FBXL17: variants seen among roughly 807,000 people sequenced by gnomAD.
The protein encoded by FBXL17 is F-box and leucine rich repeat protein 17.
FBXL17 carries 22 observed loss-of-function variants against 66.2 expected under a neutral mutation model. The observed-to-expected ratio is 0.33, with a 90% CI of 0.24 to 0.47. The LOEUF (loss-of-function observed/expected upper bound fraction) is 0.47, where lower values mean the gene tolerates loss of function less well. Among genes scored for constraint, FBXL17 ranks in the 20% least tolerant of loss-of-function variants. The probability of loss-of-function intolerance (pLI) is 1.00; values close to 1 mark genes in which losing one functional copy is unlikely to be tolerated. For synonymous variants in FBXL17, 474 were observed against 400.5 expected (o/e 1.18, Z -2.19); for missense variants, 878 against 948.2 (o/e 0.93, Z 0.97).
intron 6 of FBXL17, among the ~76,000 whole-genome samples, chr5:108,119,693 A>T (rs1184703510): frequency 6.6e-6 from 1 of 152,216 alleles, no homozygotes; most frequent in African/African-American, 2.4e-5. Context: ...CTTTACTTAG[A>T]CATTTTGCAC....
intron 7 of FBXL17, among the ~76,000 whole-genome samples, chr5:108,013,014 CAAAAAAAA>C (rs57393639): frequency 1.5e-3 from 117 of 79,388 alleles, no homozygotes; most frequent in African/African-American, 5.8e-3. Flanking sequence ...AACTCCGTCT[CAAAAAAAA>C]AAAAAAAAAA....
intron 4 of FBXL17, among the ~76,000 whole-genome samples, chr5:108,289,212 AGTACATGCTTGATAAT>A (rs1484192238): frequency 3.9e-5 from 6 of 152,188 alleles, no homozygotes; most frequent in Non-Finnish European, 8.8e-5. Flanking sequence ...CCTGGTTCAT[AGTACATGCTTGATAAT>A]GTGTTATTAT....
chr5:107,923,278 C>A (rs796789438), intron 7 of FBXL17, among the ~76,000 whole-genome samples: 4 of 152,234 alleles, frequency 2.6e-5, no homozygotes, highest in South Asian at 2.1e-4. Context: ...GCTCTGAAGA[C>A]CCCTGGTGTG....
chr5:107,965,029 A>T (rs1752067058), intron 7 of FBXL17, among the ~76,000 whole-genome samples: 1 of 152,104 alleles, frequency 6.6e-6, no homozygotes, highest in Non-Finnish European at 1.5e-5. Flanking sequence ...CGCATTTGAC[A>T]CCAGGACCCT....
At chr5:108,154,617 A>ATACC (rs70996983) in intron 6 of FBXL17, among the ~76,000 whole-genome samples, 1 of 49,710 alleles carries the variant, frequency 2.0e-5, no homozygotes, top group Non-Finnish European at 4.1e-5. Context: ...ATATATATAT[A>ATACC]CACACACACA....
At chr5:107,878,793 C>G in intron 8 of FBXL17, 2 of 985,472 alleles carry the variant, frequency 2.0e-6, no homozygotes, top group Non-Finnish European at 2.4e-6. Flanking sequence ...CCTCACAGAG[C>G]CTCTCGTGTT....
At chr5:107,887,316 C>T (rs554125987) in intron 7 of FBXL17, among the ~76,000 whole-genome samples, 1 of 152,206 alleles carries the variant, frequency 6.6e-6, no homozygotes, top group African/African-American at 2.4e-5. Flanking sequence ...ACAATGGAAC[C>T]TCGGATATAT....
chr5:108,080,860 T>C (rs921119364), intron 6 of FBXL17, among the ~76,000 whole-genome samples: 8 of 152,128 alleles, frequency 5.3e-5, no homozygotes, highest in African/African-American at 1.9e-4. Flanking sequence ...AGCCTCCAAG[T>C]AGCAGGTTTC....
At chr5:107,951,557 T>A (rs1356708157) in intron 7 of FBXL17, among the ~76,000 whole-genome samples, 2 of 150,728 alleles carry the variant, frequency 1.3e-5, no homozygotes, top group Non-Finnish European at 3.0e-5. Flanking sequence ...GGAGAAAGTC[T>A]TTTTTATCTT....
At chr5:107,878,390 C>T in intron 8 of FBXL17, 5 of 743,506 alleles carry the variant, frequency 6.7e-6, no homozygotes, top group Non-Finnish European at 8.2e-6. Flanking sequence ...ATATAATAGA[C>T]ATTATTCTAA....
chr5:108,060,059 T>C lies in FBXL17; in HGVS notation c.1746-39058A>G, dbSNP rs192655235. 3.8e-4 allele frequency among the ~76,000 whole-genome samples: 57 copies of C among 150,786 alleles called. No homozygotes were observed. In the East Asian group the frequency reaches 0.01, roughly 27 times the overall value. ...TACATATTCATTTACTGAATATATA[T>C]AAAACATATGAATATATATATTCAG... On this transcript the variant is annotated intron_variant, in intron 6 of 8. Coordinates refer to ENST00000542267, the MANE Select transcript of FBXL17 (RefSeq NM_001163315.3).
At chr5:108,343,773 A>G (rs538123087) in intron 4 of FBXL17, among the ~76,000 whole-genome samples, 87 of 152,318 alleles carry the variant, frequency 5.7e-4, no homozygotes, top group Admixed American at 2.2e-3. Context: ...AAGAGAAAAA[A>G]AAATTAAACT....
intron 6 of FBXL17, among the ~76,000 whole-genome samples, chr5:108,040,610 T>C (rs1200641952): frequency 6.6e-6 from 1 of 152,202 alleles, no homozygotes; most frequent in African/African-American, 2.4e-5. Flanking sequence ...TGCTGGATTT[T>C]AAAAGAAAGT....
At chr5:108,291,220 T>C (rs1426253041) in intron 4 of FBXL17, among the ~76,000 whole-genome samples, 2 of 152,146 alleles carry the variant, frequency 1.3e-5, no homozygotes, top group Non-Finnish European at 2.9e-5. Context: ...TTATATTCTG[T>C]CAACTCTCAA....
intron 7 of FBXL17, among the ~76,000 whole-genome samples, chr5:107,956,564 A>G (rs370719717): frequency 2.0e-5 from 3 of 152,222 alleles, no homozygotes; most frequent in East Asian, 1.9e-4. Flanking sequence ...ATCTGAAAGT[A>G]TTTTAATATC....
At chr5:108,312,911 T>G (rs1356478407) in intron 4 of FBXL17, among the ~76,000 whole-genome samples, 1 of 152,178 alleles carries the variant, frequency 6.6e-6, no homozygotes, top group Non-Finnish European at 1.5e-5. Context: ...TTCCTATTTT[T>G]AGGTTAGACT....
chr5:107,937,563 G>A (rs1028864927), intron 7 of FBXL17, among the ~76,000 whole-genome samples: 2 of 152,208 alleles, frequency 1.3e-5, no homozygotes, highest in South Asian at 2.1e-4. Context: ...TCTGACCTCC[G>A]ATAGCAATTA....
chr5:108,170,976 C>T lies in FBXL17; in HGVS notation c.1745+15141G>A, dbSNP rs187385007. Among the ~76,000 whole-genome samples, 1,248 of 152,266 alleles carry T rather than the reference C, an allele frequency of 8.2e-3. 22 individuals carry two copies. Among genetic ancestry groups the T allele is most frequent in the African/African-American group, 0.028 (1,182 of 41,556 alleles). On this transcript the variant is annotated intron_variant, in intron 6 of 8. Transcript: ENST00000542267. ...TTCAACAACAGAGAAGAAAAGAACA[C>T]AGATATTTAATACCACGAAATACCA... is the stretch of plus-strand genomic sequence containing the variant.
chr5:108,382,023 C>A lies in FBXL17; in HGVS notation c.-332G>T. ...CAGCCGGCTCAGTCAGTCAGCGGAG[C>A]GGCCGGGGAAAGGCCGGGTCCCGCT... On this transcript the variant is annotated 5_prime_UTR_variant, in exon 1 of 9. Coordinates refer to ENST00000542267, the MANE Select transcript of FBXL17 (RefSeq NM_001163315.3). The A allele has an allele frequency of 9.2e-6, 10 of 1,084,300 alleles. No individual in the cohort carries two copies. Among genetic ancestry groups the A allele is most frequent in the Non-Finnish European group, 1.1e-5 (10 of 882,962 alleles). The allele number at this position is 1,084,300 out of a possible 1,614,324, so 67.2% of individuals were successfully genotyped here.
Sources: allele counts gnomAD v4.1 joint callset (sites outside exome capture counted in the v4.1 genomes callset), GRCh38; gene constraint gnomAD v4.1.1; transcripts MANE v1.5; gene names NCBI Gene and HGNC (gene_info 2026-07-23, HGNC 2026-07-21).